Variants in CBFA2T3 observed in about 807,000 individuals in gnomAD.
The protein encoded by CBFA2T3 is CBFA2/RUNX1 partner transcriptional co-repressor 3.
In CBFA2T3, 31 loss-of-function variants were observed where a neutral mutation model predicts 58.6. The ratio of observed to expected loss-of-function variants is 0.53; its 90% CI spans 0.40 to 0.71. The LOEUF (loss-of-function observed/expected upper bound fraction) is 0.71, where lower values mean the gene tolerates loss of function less well. Among genes scored for constraint, CBFA2T3 ranks in the 30% least tolerant of loss-of-function variants. CBFA2T3 has a pLI of 0.00. For missense variants in CBFA2T3, 1,076 were observed against 963.1 expected, an observed-to-expected ratio of 1.12 and a Z score of -1.55; for synonymous variants, 531 against 421.9, an observed-to-expected ratio of 1.26 and a Z score of -3.17.
Position 88,885,703 on chromosome 16 carries a change from A to G in CBFA2T3, c.893+258T>C. 2.0e-6 allele frequency: 1 copy of G among 506,920 alleles called. No homozygotes were observed. Among genetic ancestry groups the G allele is most frequent in the Non-Finnish European group, 3.5e-6 (1 of 283,976 alleles). 31.4% of individuals were successfully genotyped at this position (506,920 alleles called of 1,614,324 possible). On this transcript the variant is annotated intron_variant, in intron 6 of 11. Transcript: ENST00000268679. This position sits in a 1 kb window ranked among gnomAD's most constrained non-coding sequence, Gnocchi z 5.3. The stretch of plus-strand genomic sequence containing the variant: ...GGAGTCCATGCCCGGCACACAGGGG[A>G]GAGCCGTCCTCCCACCAGCCTCCTC...
At chr16:88,968,745 C>T (rs1316323756) in intron 1 of CBFA2T3, among the ~76,000 whole-genome samples, 2 of 152,198 alleles carry the variant, frequency 1.3e-5, no homozygotes, top group African/African-American at 2.4e-5. Flanking sequence ...GCTTCGGGGT[C>T]CAGTTTGCAC....
chr16:88,976,180 C>A (rs1043101609), intron 1 of CBFA2T3, among the ~76,000 whole-genome samples: 1 of 152,340 alleles, frequency 6.6e-6, no homozygotes, highest in South Asian at 2.1e-4. Flanking sequence ...GGACAGGGGC[C>A]CAGGGTTGGG....
rs528879532 is a variant in CBFA2T3 at position 88,925,755 on chromosome 16, G to A, written c.152-24099C>T. On this transcript the variant is annotated intron_variant, in intron 1 of 11. Transcript: ENST00000268679. ...CGGGAGCCCCTGCGTGTGTGGAGATGGCAATGTGCTTTCCCGGGGGCTCAG... is the reference window on the plus strand; with the variant it reads ...CGGGAGCCCCTGCGTGTGTGGAGATAGCAATGTGCTTTCCCGGGGGCTCAG... 1.3e-5 allele frequency among the ~76,000 whole-genome samples: 2 copies of A among 152,320 alleles called. 1 individual carries two copies. The highest frequency in any genetic ancestry group is 4.1e-4 in the South Asian group (2 of 4,828).
At chr16:88,895,052 G>C (rs1969831016) in intron 3 of CBFA2T3, among the ~76,000 whole-genome samples, 1 of 152,186 alleles carries the variant, frequency 6.6e-6, no homozygotes, top group South Asian at 2.1e-4. Flanking sequence ...GCCTCTGTCT[G>C]GACGGGAGGG....
At chr16:88,882,203 CAG>C (rs1392862944) in intron 8 of CBFA2T3, among the ~76,000 whole-genome samples, 2 of 152,226 alleles carry the variant, frequency 1.3e-5, no homozygotes, top group Non-Finnish European at 2.9e-5. Flanking sequence ...GCACTGAGCT[CAG>C]GGGCGCCCAC....
rs989953255 is a variant in CBFA2T3, at chr16:88,875,711, G to A, written c.*1265C>T. ...GAGAAGCAGTGTTTCAGGGAGGCCT[G>A]CTGGCTCCGCATGCTCGAAAAGCAG... On this transcript the variant is annotated 3_prime_UTR_variant, in exon 12 of 12. Transcript: ENST00000268679. 47 of 233,588 alleles carry A rather than the reference G, an allele frequency of 2.0e-4. No individual in the cohort carries two copies. Among genetic ancestry groups the A allele is most frequent in the African/African-American group, 8.8e-4 (40 of 45,408 alleles). 14.5% of individuals were successfully genotyped at this position (233,588 alleles called of 1,614,324 possible).
chr16:88,914,727 C>T (rs1291310903), intron 1 of CBFA2T3, among the ~76,000 whole-genome samples: 1 of 152,198 alleles, frequency 6.6e-6, no homozygotes, highest in Non-Finnish European at 1.5e-5. Flanking sequence ...TTCTACAGCA[C>T]CCTGCCGGTT....
intron 1 of CBFA2T3, among the ~76,000 whole-genome samples, chr16:88,909,994 A>C (rs113081323): frequency 2.0e-5 from 3 of 152,290 alleles, no homozygotes; most frequent in Non-Finnish European, 4.4e-5. Flanking sequence ...GGCGGCTCCC[A>C]CGGCGGCTCC....
intron 1 of CBFA2T3, among the ~76,000 whole-genome samples, chr16:88,905,667 AGGTGGGGCTGAAGGAGG>A (rs1190145815): frequency 9.6e-5 from 9 of 93,678 alleles, no homozygotes; most frequent in African/African-American, 3.2e-4. Context: ...GCCTGAGGGG[AGGTGGGGCTGAAGGAGG>A]GGCGGGGCTG....
chr16:88,900,325 C>T (rs1970048543), intron 2 of CBFA2T3, among the ~76,000 whole-genome samples: 1 of 152,270 alleles, frequency 6.6e-6, no homozygotes, highest in Non-Finnish European at 1.5e-5. Flanking sequence ...CAACATCCTA[C>T]AAACAGGGCC....
intron 1 of CBFA2T3, among the ~76,000 whole-genome samples, chr16:88,963,683 C>T (rs902139117): frequency 5.4e-4 from 82 of 152,366 alleles, no homozygotes; most frequent in African/African-American, 1.6e-3. Flanking sequence ...GCTGAAGCAC[C>T]GCGCTGCAGT....
At chr16:88,906,478 A>G (rs1008659531) in intron 1 of CBFA2T3, among the ~76,000 whole-genome samples, 4 of 139,882 alleles carry the variant, frequency 2.9e-5, no homozygotes, top group South Asian at 2.3e-4. Context: ...ACGGAGGTGA[A>G]TAAGTCATCA....
chr16:88,969,054 G>T (rs116050824), intron 1 of CBFA2T3, among the ~76,000 whole-genome samples: 1 of 152,156 alleles, frequency 6.6e-6, no homozygotes, highest in African/African-American at 2.4e-5. Context: ...TGGTGCCCCC[G>T]TTTTGAGGAA....
chr16:88,875,462 G>A lies in CBFA2T3; in HGVS notation c.*1514C>T, dbSNP rs79402227. 2,003 of 233,530 alleles carry A rather than the reference G, an allele frequency of 8.6e-3. 40 individuals are homozygous for A. Among genetic ancestry groups the A allele is most frequent in the African/African-American group, 0.041 (1,872 of 45,360 alleles). 14.5% of individuals were successfully genotyped at this position (233,530 alleles called of 1,614,324 possible). On this transcript the variant is annotated 3_prime_UTR_variant, in exon 12 of 12. Coordinates refer to ENST00000268679, the MANE Select transcript of CBFA2T3 (RefSeq NM_005187.6). ...GCAGGAGCACCAGGGCTATGTACAC[G>A]GTCAGGGTCTTCCCTGGGGAGGAGG... is the stretch of plus-strand genomic sequence containing the variant.
chr16:88,905,461 C>T (rs937771463), intron 1 of CBFA2T3, among the ~76,000 whole-genome samples: 5 of 151,942 alleles, frequency 3.3e-5, no homozygotes, highest in South Asian at 2.1e-4. Flanking sequence ...CCACACTGGG[C>T]GGTCCTGCCT....
At chr16:88,951,487 C>T (rs538163011) in intron 1 of CBFA2T3, 7 of 370,882 alleles carry the variant, frequency 1.9e-5, no homozygotes, top group East Asian at 7.3e-5. Context: ...TTTGTTTCAT[C>T]TTTGCTTTTT....
Position 88,933,079 on chromosome 16 carries a change from A to G in CBFA2T3, c.152-31423T>C, listed in dbSNP as rs1468510626. Among the ~76,000 whole-genome samples, 3 of 152,346 alleles carry G rather than the reference A, an allele frequency of 2.0e-5. No individual in the cohort carries two copies. The East Asian group carries it at 5.8e-4, about 29-fold the overall frequency. ...ACCCGGAGACGTCACTTCTGATGGAAGTCCGCACGCCCAGAGACAGGCCAG... is the reference window on the plus strand; with the variant it reads ...ACCCGGAGACGTCACTTCTGATGGAGGTCCGCACGCCCAGAGACAGGCCAG... On this transcript the variant is annotated intron_variant, in intron 1 of 11. Coordinates refer to ENST00000268679, the MANE Select transcript of CBFA2T3 (RefSeq NM_005187.6).
chr16:88,909,226 G>A (rs997163615), intron 1 of CBFA2T3, among the ~76,000 whole-genome samples: 3 of 152,234 alleles, frequency 2.0e-5, no homozygotes, highest in Admixed American at 6.5e-5. Flanking sequence ...GGCAGGGCTC[G>A]GAGATGCTCA....
intron 1 of CBFA2T3, among the ~76,000 whole-genome samples, chr16:88,935,673 GCAGA>G (rs1971474441): frequency 6.6e-6 from 1 of 152,188 alleles, no homozygotes; most frequent in South Asian, 2.1e-4. Context: ...TTGCAAAGGT[GCAGA>G]CAATGAACTT....
Sources: gnomAD v4.1 joint callset for allele counts (sites outside exome capture counted in the v4.1 genomes callset) on GRCh38, gnomAD v4.1.1 for gene constraint, Gnocchi (gnomAD v3.1) non-coding constraint, MANE v1.5 for transcripts, NCBI Gene and HGNC (gene_info 2026-07-23, HGNC 2026-07-21) for gene names.